Variants in ACTR3C observed in about 807,000 individuals in gnomAD.
ACTR3C encodes the protein actin related protein 3C.
ACTR3C carries 18 observed loss-of-function variants against 26.3 expected under a neutral mutation model. That is an observed-to-expected ratio of 0.68 (90% CI 0.47 to 1.01). The LOEUF (loss-of-function observed/expected upper bound fraction) is 1.01. Ranked by LOEUF, ACTR3C falls within the 50% of genes least tolerant of loss-of-function variation. The pLI is 0.00. For synonymous variants in ACTR3C, 55 were observed against 94.5 expected (o/e 0.58, Z 2.42); for missense variants, 184 against 250.7 (o/e 0.73, Z 1.80).
At chr7:150,272,525 C>A (rs1391297617) in intron 6 of ACTR3C, among the ~76,000 whole-genome samples, 1 of 139,132 alleles carries the variant, frequency 7.2e-6, no homozygotes, top group Non-Finnish European at 1.5e-5. Flanking sequence ...CTTGTTTCAC[C>A]TTCAGAGTGA....
At chr7:150,130,844 A>T in the ACTR3C span, among the ~76,000 whole-genome samples, 1 of 152,216 alleles carries the variant, frequency 6.6e-6, no homozygotes, top group Non-Finnish European at 1.5e-5. Flanking sequence ...ACACGGATGA[A>T]TCTTGAAGGT....
chr7:149,936,615 C>T, the ACTR3C span, among the ~76,000 whole-genome samples: 3 of 152,138 alleles, frequency 2.0e-5, no homozygotes, highest in East Asian at 1.9e-4. Flanking sequence ...TAGTGTTTAT[C>T]CTTGAGGACT....
chr7:149,983,206 C>G, the ACTR3C span, among the ~76,000 whole-genome samples: 7 of 151,630 alleles, frequency 4.6e-5, no homozygotes, highest in Admixed American at 4.6e-4. Context: ...TGACATTGGC[C>G]CAGGCAATGA....
the ACTR3C span, among the ~76,000 whole-genome samples, chr7:149,990,379 C>T: frequency 1.5e-5 from 2 of 132,612 alleles, no homozygotes; most frequent in African/African-American, 2.9e-5. Flanking sequence ...CACTGAATCT[C>T]CAGCACGCAG....
the ACTR3C span, among the ~76,000 whole-genome samples, chr7:149,889,754 A>T: frequency 6.6e-6 from 1 of 152,146 alleles, no homozygotes; most frequent in Non-Finnish European, 1.5e-5. Flanking sequence ...GCTACTCAGG[A>T]GGTTGAAGCG....
At chr7:149,914,811 A>G in the ACTR3C span, among the ~76,000 whole-genome samples, 4 of 152,108 alleles carry the variant, frequency 2.6e-5, no homozygotes, top group Non-Finnish European at 5.9e-5. Flanking sequence ...GAAGAATTAG[A>G]TATTACAAAT....
At chr7:150,216,830 A>T in the ACTR3C span, among the ~76,000 whole-genome samples, 2 of 150,916 alleles carry the variant, frequency 1.3e-5, no homozygotes, top group Admixed American at 1.3e-4. Context: ...TACTAAAAAT[A>T]CAAAAATTAC....
the ACTR3C span, among the ~76,000 whole-genome samples, chr7:150,036,256 C>A: frequency 2.9e-3 from 427 of 147,408 alleles, 1 homozygote; most frequent in South Asian, 0.032. Context: ...AGGTTTTGCC[C>A]AAGAATCAGC....
the ACTR3C span, among the ~76,000 whole-genome samples, chr7:150,130,507 GTGATCC>G: frequency 6.6e-6 from 1 of 152,128 alleles, no homozygotes; most frequent in Non-Finnish European, 1.5e-5. Flanking sequence ...AAGGAGCTGC[GTGATCC>G]TTTTGTCAGT....
chr7:150,035,148 T>TGG, the ACTR3C span, among the ~76,000 whole-genome samples: 1 of 115,010 alleles, frequency 8.7e-6, no homozygotes, highest in Non-Finnish European at 1.9e-5. Flanking sequence ...GGATCAACGA[T>TGG]GGGGGTCCTA....
chr7:150,068,960 C>T, the ACTR3C span, among the ~76,000 whole-genome samples: 5 of 152,136 alleles, frequency 3.3e-5, no homozygotes, highest in Non-Finnish European at 7.4e-5. Context: ...CTCTAAAGCT[C>T]GTTCCTTTAG....
chr7:150,038,349 C>G, the ACTR3C span, among the ~76,000 whole-genome samples: 3 of 143,676 alleles, frequency 2.1e-5, no homozygotes, highest in East Asian at 2.0e-4. Context: ...CATCTTTTCT[C>G]TCTCTGACGC....
At chr7:150,255,508 TG>T (rs1461997265) in intron 6 of ACTR3C, among the ~76,000 whole-genome samples, 1 of 150,862 alleles carries the variant, frequency 6.6e-6, no homozygotes, top group Non-Finnish European at 1.5e-5. Context: ...CTGTCAGTCT[TG>T]GATCACCTAC....
At chr7:149,923,491 T>G in the ACTR3C span, among the ~76,000 whole-genome samples, 1 of 152,110 alleles carries the variant, frequency 6.6e-6, no homozygotes, top group Non-Finnish European at 1.5e-5. Flanking sequence ...AAAGTAGAAC[T>G]TGGCTGAGAA....
At chr7:150,230,224 C>CA in the ACTR3C span, among the ~76,000 whole-genome samples, 9,033 of 150,848 alleles carry the variant, frequency 0.06, 483 homozygotes, top group African/African-American at 0.14. Flanking sequence ...GACTCCATCT[C>CA]AAAAAAAAGA....
the ACTR3C span, chr7:150,004,957 G>T: frequency 1.3e-5 from 2 of 152,228 alleles, no homozygotes; most frequent in East Asian, 3.8e-4. Flanking sequence ...TCCACAGTGT[G>T]CCAGGGAGCA....
the ACTR3C span, chr7:150,047,829 G>C: frequency 6.6e-7 from 1 of 1,523,680 alleles, no homozygotes; most frequent in Non-Finnish European, 8.8e-7. Flanking sequence ...GATCTTGCCG[G>C]TGAACCTCTG....
At chr7:150,042,423 G>A in the ACTR3C span, among the ~76,000 whole-genome samples, 646 of 149,834 alleles carry the variant, frequency 4.3e-3, 13 homozygotes, top group African/African-American at 0.015. Context: ...GCGTCGCGAG[G>A]GGTGCCTCCT....
the ACTR3C span, among the ~76,000 whole-genome samples, chr7:149,959,276 C>T: frequency 7.0e-6 from 1 of 143,370 alleles, no homozygotes; most frequent in African/African-American, 2.5e-5. Flanking sequence ...CATTGTTCTC[C>T]TTTGTCAGAG....
Sources: allele counts gnomAD v4.1 joint callset (sites outside exome capture counted in the v4.1 genomes callset), GRCh38; gene constraint gnomAD v4.1.1; transcripts MANE v1.5; gene names NCBI Gene and HGNC (gene_info 2026-07-23, HGNC 2026-07-21).